Variants in UVRAG observed in about 807,000 individuals in gnomAD.
The protein encoded by UVRAG is UV radiation resistance-associated gene protein.
A neutral mutation model predicts 78.0 loss-of-function variants in UVRAG; 19 were observed. That is an observed-to-expected ratio of 0.24 (90% CI 0.17 to 0.36). The LOEUF is 0.36. Ranked by LOEUF, UVRAG falls within the 10% of genes least tolerant of loss-of-function variation. The pLI is 1.00. For missense variants in UVRAG, 740 were observed against 853.8 expected (o/e 0.87, Z 1.66); for synonymous variants, 323 against 324.6 (o/e 1.00, Z 0.05).
intron 13 of UVRAG, among the ~76,000 whole-genome samples, chr11:76,098,561 G>A (rs1347539199): frequency 6.6e-6 from 1 of 152,172 alleles, no homozygotes. Flanking sequence ...GGAAGTTAAT[G>A]TGTAAGTGGC....
chr11:75,912,100 C>A, intron 6 of UVRAG, 61 bp downstream of exon 6: 4 of 1,250,734 alleles, frequency 3.2e-6, no homozygotes, highest in Admixed American at 1.8e-5. Flanking sequence ...GAGTTTGTGA[C>A]ATTTCAATGT....
At chr11:75,860,973 G>T (rs1389678691) in intron 2 of UVRAG, among the ~76,000 whole-genome samples, 1 of 151,930 alleles carries the variant, frequency 6.6e-6, no homozygotes, top group African/African-American at 2.4e-5. Flanking sequence ...GTAGAGATGG[G>T]GTTTCATCCT....
chr11:76,138,761 C>T (rs7928973), intron 14 of UVRAG, among the ~76,000 whole-genome samples: 2 of 152,206 alleles, frequency 1.3e-5, no homozygotes, highest in Non-Finnish European at 2.9e-5. Context: ...GCTTCCACCC[C>T]TCGTGGGCTG....
At chr11:76,107,381 A>T (rs1951990406) in intron 13 of UVRAG, among the ~76,000 whole-genome samples, 5 of 152,200 alleles carry the variant, frequency 3.3e-5, no homozygotes, top group Admixed American at 2.6e-4. Flanking sequence ...GGTGCCATTC[A>T]GCTCTAGTAT....
intron 7 of UVRAG, among the ~76,000 whole-genome samples, chr11:75,976,633 A>G (rs1191160699): frequency 6.6e-6 from 1 of 151,982 alleles, no homozygotes; most frequent in Non-Finnish European, 1.5e-5. Flanking sequence ...TATTTCTTCT[A>G]GATTTTCTAG....
At chr11:76,062,054 ACTCCTTTCTTTATCCTTTCCAGCTT>A (rs1951104655) in intron 12 of UVRAG, among the ~76,000 whole-genome samples, 1 of 151,876 alleles carries the variant, frequency 6.6e-6, no homozygotes, top group South Asian at 2.1e-4. Context: ...TCAGGGCCAC[ACTCCTTTCTTTATCCTTTCCAGCTT>A]CTGGTGGCTC....
chr11:75,939,114 G>C (rs977248089), intron 6 of UVRAG, among the ~76,000 whole-genome samples: 1 of 151,792 alleles, frequency 6.6e-6, no homozygotes, highest in Non-Finnish European at 1.5e-5. Context: ...AGTTATTTCA[G>C]GTGGGATTAA....
chr11:76,049,619 G>C (rs901843684), intron 12 of UVRAG, among the ~76,000 whole-genome samples: 1 of 152,206 alleles, frequency 6.6e-6, no homozygotes. Flanking sequence ...CAGAGGCTTA[G>C]AAGTCAGACA....
At chr11:75,925,831 A>C (rs1948087934) in intron 6 of UVRAG, among the ~76,000 whole-genome samples, 1 of 152,188 alleles carries the variant, frequency 6.6e-6, no homozygotes, top group Non-Finnish European at 1.5e-5. Context: ...TACTATTGCA[A>C]TTCCAATACT....
chr11:76,054,876 G>A (rs1334344291), intron 12 of UVRAG, among the ~76,000 whole-genome samples: 1 of 152,228 alleles, frequency 6.6e-6, no homozygotes, highest in Non-Finnish European at 1.5e-5. Flanking sequence ...TGCTAAACAA[G>A]TGAATGAAGA....
chr11:75,873,938 G>A (rs1226699322), intron 3 of UVRAG, among the ~76,000 whole-genome samples: 1 of 152,174 alleles, frequency 6.6e-6, no homozygotes, highest in Non-Finnish European at 1.5e-5. Context: ...GGACAGTTGG[G>A]TGAACCAGTG....
rs540673018 is a variant in UVRAG at position 75,990,491 on chromosome 11, C to T, written c.826+6978C>T. 7.2e-5 allele frequency among the ~76,000 whole-genome samples: 11 copies of T among 152,202 alleles called. No individual in the cohort carries two copies. In the East Asian group the frequency reaches 1.9e-3, roughly 27 times the overall value. On this transcript the variant is annotated intron_variant, in intron 8 of 14. Coordinates refer to ENST00000356136, the MANE Select transcript of UVRAG (RefSeq NM_003369.4). ...GGAGCAAAACACCATCTGTTTTATTCCTATGTCATACTCTCGTGGGTTTCT... is the reference window on the plus strand; with the variant it reads ...GGAGCAAAACACCATCTGTTTTATTTCTATGTCATACTCTCGTGGGTTTCT...
intron 9 of UVRAG, among the ~76,000 whole-genome samples, chr11:76,004,809 G>T (rs910738472): frequency 1.3e-5 from 2 of 151,998 alleles, no homozygotes; most frequent in Non-Finnish European, 1.5e-5. Flanking sequence ...TCTTAATATG[G>T]TGATTCTTTT....
chr11:76,107,469 T>C (rs1951992476), intron 13 of UVRAG, among the ~76,000 whole-genome samples: 2 of 152,202 alleles, frequency 1.3e-5, no homozygotes, highest in Non-Finnish European at 2.9e-5. Flanking sequence ...TACTAGACTT[T>C]AAAGCTTCTA....
chr11:75,945,698 T>C (rs77398994), intron 6 of UVRAG, among the ~76,000 whole-genome samples: 8,583 of 152,170 alleles, frequency 0.056, 301 homozygotes, highest in African/African-American at 0.099. Flanking sequence ...TCTGCCTGCC[T>C]TTTTACCTCA....
At chr11:76,039,416 G>A (rs1001136012) in intron 12 of UVRAG, among the ~76,000 whole-genome samples, 1 of 152,078 alleles carries the variant, frequency 6.6e-6, no homozygotes, top group Non-Finnish European at 1.5e-5. Context: ...AAAATCAGAA[G>A]GCACATAAGG....
chr11:75,895,689 A>G (rs1301093172), intron 5 of UVRAG, among the ~76,000 whole-genome samples: 1 of 151,160 alleles, frequency 6.6e-6, no homozygotes, highest in African/African-American at 2.4e-5. Flanking sequence ...GTTGCCCAGG[A>G]TGGTCTTGAA....
chr11:75,880,131 TTA>T, intron 4 of UVRAG, 91 bp downstream of exon 4: 1 of 1,467,744 alleles, frequency 6.8e-7, no homozygotes, highest in South Asian at 1.3e-5. Context: ...GCGTTTCCTA[TTA>T]TAAAGAGAGA....
At chr11:75,927,207 C>T (rs370993894) in intron 6 of UVRAG, among the ~76,000 whole-genome samples, 8 of 151,990 alleles carry the variant, frequency 5.3e-5, no homozygotes, top group African/African-American at 1.9e-4. Context: ...GTAGCTGGGA[C>T]TGCAGGTGTG....
Sources: allele counts gnomAD v4.1 joint callset (sites outside exome capture counted in the v4.1 genomes callset), GRCh38; gene constraint gnomAD v4.1.1; transcripts MANE v1.5; gene names NCBI Gene and HGNC (gene_info 2026-07-23, HGNC 2026-07-21).